Variants in NFATC3 observed in about 807,000 individuals in gnomAD.
The protein encoded by NFATC3 is nuclear factor of activated T-cells, cytoplasmic 3.
In NFATC3, 46 loss-of-function variants were observed where a neutral mutation model predicts 98.6. That is an observed-to-expected ratio of 0.47 (90% CI 0.37 to 0.60). The LOEUF (loss-of-function observed/expected upper bound fraction) is 0.60. Ranked by LOEUF, NFATC3 falls within the 20% of genes least tolerant of loss-of-function variation. NFATC3 has a pLI of 0.00. For synonymous variants in NFATC3, 512 were observed against 472.2 expected, an observed-to-expected ratio of 1.08 and a Z score of -1.09; for missense variants, 1,256 against 1,295.5, an observed-to-expected ratio of 0.97 and a Z score of 0.47.
In NFATC3 at chr16:68,227,782, C is replaced by T. The variant is rs1299500751; in HGVS notation, c.*1311C>T. 6.6e-6 allele frequency: 1 copy of T among 151,702 alleles called. No individual in the cohort carries two copies. Among genetic ancestry groups the T allele is most frequent in the East Asian group, 1.9e-4 (1 of 5,176 alleles). The allele number at this position is 151,702 out of a possible 1,614,324, so 9.4% of individuals were successfully genotyped here. A position where few individuals can be genotyped will look rare whatever the true frequency, so the allele number is the denominator to read the frequency against. ...AGCCTGCTGTCTACCAAAGGAGGTA[C>T]CCGAGTTGGGTACTTTAAAAAAAAA... On this transcript the variant is annotated 3_prime_UTR_variant, in exon 10 of 10. Coordinates refer to ENST00000346183, the MANE Select transcript of NFATC3 (RefSeq NM_173165.3).
At chr16:68,214,136 A>G (rs2151164992) in intron 9 of NFATC3, among the ~76,000 whole-genome samples, 1 of 152,324 alleles carries the variant, frequency 6.6e-6, no homozygotes. Flanking sequence ...TCATCTTAGT[A>G]CCTGAGCTAT....
At chr16:68,174,230 T>G (rs1479051218) in intron 5 of NFATC3, 144 bp from the exon 6 acceptor site, 1 of 502,406 alleles carries the variant, frequency 2.0e-6, no homozygotes, top group East Asian at 3.3e-5. Flanking sequence ...TTGTTGCCAT[T>G]GTCTTGAATT....
chr16:68,098,928 G>C (rs1421321319), intron 1 of NFATC3, among the ~76,000 whole-genome samples: 1 of 152,154 alleles, frequency 6.6e-6, no homozygotes, highest in Non-Finnish European at 1.5e-5. Context: ...AAAATGTAAA[G>C]AGGTTCTGGG....
At chr16:68,102,524 A>C (rs1029410923) in intron 1 of NFATC3, among the ~76,000 whole-genome samples, 2 of 151,902 alleles carry the variant, frequency 1.3e-5, no homozygotes, top group African/African-American at 4.8e-5. Context: ...ATTGTTGTTG[A>C]AAAGTCTGAT....
At chr16:68,177,826 C>T (rs1002759992) in intron 6 of NFATC3, among the ~76,000 whole-genome samples, 2 of 152,140 alleles carry the variant, frequency 1.3e-5, no homozygotes, top group South Asian at 2.1e-4. Flanking sequence ...ATTTCTCTAT[C>T]GCTTAGCATC....
chr16:68,153,769 A>G (rs989201428), intron 3 of NFATC3, among the ~76,000 whole-genome samples: 3 of 151,996 alleles, frequency 2.0e-5, no homozygotes. Flanking sequence ...ACCTGCCACC[A>G]TGCCCGGCTA....
At chr16:68,208,526 C>T (rs966590123) in intron 9 of NFATC3, among the ~76,000 whole-genome samples, 9 of 152,168 alleles carry the variant, frequency 5.9e-5, no homozygotes, top group East Asian at 1.9e-4. Flanking sequence ...ACCTGGCTAA[C>T]GTGGGCCCAC....
At chr16:68,181,578 GA>G in intron 7 of NFATC3, 48 bp downstream of exon 7, 1 of 1,328,590 alleles carries the variant, frequency 7.5e-7, no homozygotes. Context: ...ACACTGAATA[GA>G]AAATTGAATA....
chr16:68,140,994 A>T (rs1408569549), intron 3 of NFATC3, among the ~76,000 whole-genome samples: 1 of 152,072 alleles, frequency 6.6e-6, no homozygotes, highest in African/African-American at 2.4e-5. Flanking sequence ...ACCACTCTTT[A>T]TGCCTTTGTG....
At chr16:68,148,630 C>T (rs569392226) in intron 3 of NFATC3, among the ~76,000 whole-genome samples, 1 of 152,262 alleles carries the variant, frequency 6.6e-6, no homozygotes, top group South Asian at 2.1e-4. Flanking sequence ...TGGAAAGGTT[C>T]AGGAATTTGA....
chr16:68,097,830 C>T (rs1470397333), intron 1 of NFATC3, among the ~76,000 whole-genome samples: 2 of 152,158 alleles, frequency 1.3e-5, no homozygotes, highest in Admixed American at 6.6e-5. Flanking sequence ...AACATATCCG[C>T]GACCCCCAAA....
intron 9 of NFATC3, among the ~76,000 whole-genome samples, chr16:68,197,560 G>C (rs899757044): frequency 2.0e-5 from 3 of 152,194 alleles, no homozygotes; most frequent in Admixed American, 6.5e-5. Context: ...TGAGGCTAGC[G>C]TGGACAACAT....
chr16:68,153,909 C>T (rs929621807), intron 3 of NFATC3, among the ~76,000 whole-genome samples: 1 of 152,010 alleles, frequency 6.6e-6, no homozygotes, highest in South Asian at 2.1e-4. Context: ...CCACCGTGCC[C>T]GGCCCACATT....
chr16:68,209,151 A>T (rs76053508), intron 9 of NFATC3, among the ~76,000 whole-genome samples: 17,853 of 152,158 alleles, frequency 0.12, 1,213 homozygotes, highest in South Asian at 0.2. Flanking sequence ...TTTCATATTG[A>T]GGAAATTCCT....
At chr16:68,209,139 T>G (rs2041269905) in intron 9 of NFATC3, among the ~76,000 whole-genome samples, 1 of 152,208 alleles carries the variant, frequency 6.6e-6, no homozygotes, top group Non-Finnish European at 1.5e-5. Flanking sequence ...ATATATGGCC[T>G]TTTTCATATT....
chr16:68,130,833 A>C (rs944166084), intron 3 of NFATC3, among the ~76,000 whole-genome samples: 1 of 152,096 alleles, frequency 6.6e-6, no homozygotes, highest in Non-Finnish European at 1.5e-5. Flanking sequence ...ATGATGAAAG[A>C]TGGGTTTCTA....
chr16:68,135,274 C>T (rs1199012653), intron 3 of NFATC3, among the ~76,000 whole-genome samples: 2 of 151,778 alleles, frequency 1.3e-5, no homozygotes, highest in East Asian at 1.9e-4. Flanking sequence ...TTGGCTAACA[C>T]GGTGAAACCC....
chr16:68,205,468 C>T lies in NFATC3; in HGVS notation c.3106+13693C>T, dbSNP rs377490856. On this transcript the variant is annotated intron_variant, in intron 9 of 9. Coordinates refer to ENST00000346183, the MANE Select transcript of NFATC3 (RefSeq NM_173165.3). ...CTTTTACTACGTTGCTCAGGTTGGT[C>T]TCGGCCTCCCAAAGTGCTAGGATTA... Among the ~76,000 whole-genome samples the T allele has an allele frequency of 1.4e-3, 208 of 152,214 alleles. 3 individuals are homozygous for T. The highest frequency in any genetic ancestry group is 4.7e-3 in the African/African-American group (196 of 41,530).
intron 1 of NFATC3, among the ~76,000 whole-genome samples, chr16:68,087,629 T>A (rs921855729): frequency 6.6e-6 from 1 of 152,242 alleles, no homozygotes; most frequent in Non-Finnish European, 1.5e-5. Context: ...GTTGTGCAGC[T>A]ACTGCTTCTG....
Sources: gnomAD v4.1 joint callset for allele counts (sites outside exome capture counted in the v4.1 genomes callset) on GRCh38, gnomAD v4.1.1 for gene constraint, MANE v1.5 for transcripts, NCBI Gene and HGNC (gene_info 2026-07-23, HGNC 2026-07-21) for gene names.